GALNT13: variants seen among roughly 807,000 people sequenced by gnomAD.
The protein encoded by GALNT13 is UDP-GalNAc:polypeptide N-acetylgalactosaminyltransferase 13.
Under a neutral mutation model 64.2 loss-of-function variants are expected in GALNT13, and 28 were observed. That is an observed-to-expected ratio of 0.44 (90% confidence interval 0.32 to 0.60). The LOEUF (loss-of-function observed/expected upper bound fraction) is 0.60, where lower values mean the gene tolerates loss of function less well. Ranked by LOEUF, GALNT13 falls within the 20% of genes least tolerant of loss-of-function variation. The pLI, the probability that GALNT13 is intolerant of heterozygous loss-of-function variation, is 0.05. For missense variants in GALNT13, 577 were observed against 669.8 expected, an observed-to-expected ratio of 0.86 and a Z score of 1.53; for synonymous variants, 214 against 224.6, an observed-to-expected ratio of 0.95 and a Z score of 0.42.
intron 8 of GALNT13, among the ~76,000 whole-genome samples, chr2:154,275,913 C>A (rs769501657): frequency 1.1e-4 from 16 of 152,186 alleles, no homozygotes; most frequent in Non-Finnish European, 2.4e-4. Context: ...ATCAGTGTGA[C>A]CTGGATGTGA....
intron 3 of GALNT13, among the ~76,000 whole-genome samples, chr2:154,118,720 T>C (rs1438987780): frequency 1.3e-5 from 2 of 152,088 alleles, no homozygotes; most frequent in Non-Finnish European, 2.9e-5. Context: ...TTGTTTGTGC[T>C]CTACTAAAGA....
chr2:153,939,846 T>G (rs1654421847), intron 2 of GALNT13, among the ~76,000 whole-genome samples: 1 of 152,226 alleles, frequency 6.6e-6, no homozygotes, highest in Admixed American at 6.5e-5. Flanking sequence ...ACAAGGTAAC[T>G]ACTATTCGCA....
chr2:153,944,391 C>A lies in GALNT13; in HGVS notation c.-104-3C>A. 1.1e-6 allele frequency: 1 copy of A among 913,782 alleles called. No individual in the cohort carries two copies. The highest frequency in any genetic ancestry group is 1.7e-6 in the Non-Finnish European group (1 of 603,562). 56.6% of individuals were successfully genotyped at this position (913,782 alleles called of 1,614,324 possible). On this transcript the variant is annotated splice_region_variant and splice_polypyrimidine_tract_variant and intron_variant, in intron 2 of 12. Coordinates refer to ENST00000392825, the MANE Select transcript of GALNT13 (RefSeq NM_052917.4). ...TGAAATTTTCTTCTTTGTTTTAATG[C>A]AGTGGAATGTATCCTGCTTTCATCT...
chr2:153,861,956 A>T, the GALNT13 span, among the ~76,000 whole-genome samples: 2 of 152,176 alleles, frequency 1.3e-5, no homozygotes, highest in Non-Finnish European at 2.9e-5. Context: ...ATGGTGGCTC[A>T]CGTGGTTTGC....
chr2:154,155,572 A>G (rs1684365271), intron 4 of GALNT13, among the ~76,000 whole-genome samples: 1 of 151,992 alleles, frequency 6.6e-6, no homozygotes, highest in African/African-American at 2.4e-5. Flanking sequence ...CTGAGGGAAA[A>G]TGTGATTTTA....
intron 9 of GALNT13, among the ~76,000 whole-genome samples, chr2:154,332,839 T>A (rs1027605879): frequency 3.3e-5 from 5 of 152,120 alleles, no homozygotes; most frequent in Non-Finnish European, 4.4e-5. Flanking sequence ...GAATGAAGAA[T>A]AAGAAATCTA....
the GALNT13 span, among the ~76,000 whole-genome samples, chr2:153,198,222 G>A: frequency 1.3e-5 from 2 of 152,146 alleles, no homozygotes; most frequent in African/African-American, 4.8e-5. Context: ...CTCAGTGGGT[G>A]TGTGGGACCC....
intron 4 of GALNT13, among the ~76,000 whole-genome samples, chr2:154,209,493 A>G (rs1687651119): frequency 2.0e-5 from 3 of 152,160 alleles, no homozygotes; most frequent in Admixed American, 2.0e-4. Flanking sequence ...AGTTTTCACT[A>G]TCTCCTGCTA....
the GALNT13 span, among the ~76,000 whole-genome samples, chr2:153,117,024 C>T: frequency 3.3e-5 from 5 of 151,848 alleles, no homozygotes; most frequent in Non-Finnish European, 7.4e-5. Flanking sequence ...TGGTCTCGAT[C>T]TCCTGACCTC....
In GALNT13 at chr2:154,133,532, TTTTATATATATATA is replaced by T. The variant is rs1682750130; in HGVS notation, c.143-6803_143-6790del. Reference sequence around the variant, plus strand: ...TTTTTTTCAGTAACATAACAGACCATTTTATATATATATATATATATATATATATATATATATAT... The same window carrying T: ...TTTTTTTCAGTAACATAACAGACCATTATATATATATATATATATATATAT... On this transcript the variant is annotated intron_variant, in intron 3 of 12. Coordinates refer to ENST00000392825, the MANE Select transcript of GALNT13 (RefSeq NM_052917.4). 4.8e-5 allele frequency among the ~76,000 whole-genome samples: 5 copies of T among 103,946 alleles called. No homozygotes were observed. In the South Asian group the frequency reaches 1.8e-3, roughly 37 times the overall value. The allele number at this position is 103,946 out of a possible 152,430, so 68.2% of individuals were successfully genotyped here. A position where few individuals can be genotyped will look rare whatever the true frequency, so the allele number is the denominator to read the frequency against.
At chr2:153,155,284 T>G in the GALNT13 span, among the ~76,000 whole-genome samples, 2 of 152,314 alleles carry the variant, frequency 1.3e-5, no homozygotes, top group East Asian at 1.9e-4. Context: ...TGGAATAGTT[T>G]CAGTAGGAAT....
intron 3 of GALNT13, among the ~76,000 whole-genome samples, chr2:154,081,350 C>T (rs775220834): frequency 1.1e-4 from 16 of 151,526 alleles, no homozygotes; most frequent in South Asian, 4.1e-4. Flanking sequence ...CTTCTGTTGC[C>T]GTTCCAAGGC....
At chr2:153,690,981 A>G in the GALNT13 span, among the ~76,000 whole-genome samples, 2 of 152,116 alleles carry the variant, frequency 1.3e-5, no homozygotes, top group Non-Finnish European at 2.9e-5. Context: ...CCACGAGAGT[A>G]ATGCCTGAGA....
the GALNT13 span, among the ~76,000 whole-genome samples, chr2:153,181,762 A>T: frequency 6.9e-6 from 1 of 145,848 alleles, no homozygotes; most frequent in Non-Finnish European, 1.5e-5. Context: ...TTATATGTAT[A>T]TAATACAAAT....
the GALNT13 span, among the ~76,000 whole-genome samples, chr2:153,403,773 T>G: frequency 6.6e-6 from 1 of 152,168 alleles, no homozygotes; most frequent in African/African-American, 2.4e-5. Context: ...GGCAATGCCT[T>G]GCCCTGCTTC....
At chr2:153,693,641 C>G in the GALNT13 span, among the ~76,000 whole-genome samples, 1 of 151,648 alleles carries the variant, frequency 6.6e-6, no homozygotes, top group Non-Finnish European at 1.5e-5. Context: ...AAAGGGCAAG[C>G]AGGAGGATAA....
chr2:154,204,330 T>A (rs1687325729), intron 4 of GALNT13, among the ~76,000 whole-genome samples: 1 of 152,226 alleles, frequency 6.6e-6, no homozygotes, highest in Non-Finnish European at 1.5e-5. Context: ...AAATATAAGA[T>A]GTGTCTGTCT....
At chr2:153,169,612 C>G in the GALNT13 span, among the ~76,000 whole-genome samples, 1 of 152,144 alleles carries the variant, frequency 6.6e-6, no homozygotes, top group Admixed American at 6.6e-5. Flanking sequence ...AAACCACAAA[C>G]ACTGAGAAAC....
chr2:153,210,983 G>A, the GALNT13 span, among the ~76,000 whole-genome samples: 3 of 152,026 alleles, frequency 2.0e-5, no homozygotes, highest in Non-Finnish European at 2.9e-5. Flanking sequence ...ACAGAAAATA[G>A]TTTTATATAG....
Sources: gnomAD v4.1 joint callset for allele counts (sites outside exome capture counted in the v4.1 genomes callset) on GRCh38, gnomAD v4.1.1 for gene constraint, MANE v1.5 for transcripts, NCBI Gene and HGNC (gene_info 2026-07-23, HGNC 2026-07-21) for gene names.